Variants in SFI1 observed in about 807,000 individuals in gnomAD.
SFI1 encodes the protein protein SFI1 homolog.
Under a neutral mutation model 207.5 loss-of-function variants are expected in SFI1, and 195 were observed. That is an observed-to-expected ratio of 0.94 (90% confidence interval 0.84 to 1.06). SFI1 has a LOEUF of 1.06. SFI1 is among the 50% of genes least tolerant of loss of function. The pLI, the probability that SFI1 is intolerant of heterozygous loss-of-function variation, is 0.00. For synonymous variants in SFI1, 630 were observed against 598.9 expected (o/e 1.05, Z -0.76); for missense variants, 1,634 against 1,588.0 (o/e 1.03, Z -0.49).
chr22:31,506,008 C>A (rs1021535671), intron 1 of SFI1, among the ~76,000 whole-genome samples: 1 of 150,334 alleles, frequency 6.7e-6, no homozygotes, highest in Non-Finnish European at 1.5e-5. Context: ...GCTGCGATTG[C>A]ACTGCTGCAT....
chr22:31,554,791 T>C (rs1177013731), intron 6 of SFI1, among the ~76,000 whole-genome samples: 1 of 152,090 alleles, frequency 6.6e-6, no homozygotes, highest in African/African-American at 2.4e-5. Flanking sequence ...TTTGTATTTT[T>C]AGTAGAGACA....
chr22:31,607,419 A>G (rs2069226227), intron 21 of SFI1, among the ~76,000 whole-genome samples: 1 of 152,040 alleles, frequency 6.6e-6, no homozygotes, highest in South Asian at 2.1e-4. Flanking sequence ...CCTGGCCAAC[A>G]TGGTGAAACT....
chr22:31,604,432 T>A (rs889476294), intron 19 of SFI1, 28 bp downstream of exon 19: 3 of 1,477,128 alleles, frequency 2.0e-6, no homozygotes, highest in Non-Finnish European at 2.7e-6. Flanking sequence ...CCTCCTGATC[T>A]TGCTGTGGGG....
chr22:31,584,011 T>C, intron 13 of SFI1, 39 bp downstream of exon 13: 1 of 1,526,046 alleles, frequency 6.6e-7, no homozygotes, highest in Non-Finnish European at 9.1e-7. Flanking sequence ...TCAGGGACTT[T>C]GTGCCTCTGA....
intron 6 of SFI1, among the ~76,000 whole-genome samples, chr22:31,551,406 C>G (rs62237763): frequency 0.045 from 6,793 of 152,300 alleles, 135 homozygotes; most frequent in Non-Finnish European, 0.05. Context: ...GCCCAGTGAT[C>G]TTTCCCCTGT....
At chr22:31,556,016 T>G (rs2061124510) in intron 6 of SFI1, among the ~76,000 whole-genome samples, 1 of 152,160 alleles carries the variant, frequency 6.6e-6, no homozygotes. Flanking sequence ...ATTTACTTAT[T>G]AGTGGTGACT....
chr22:31,498,864 T>TC (rs1569141857), intron 1 of SFI1, among the ~76,000 whole-genome samples: 1 of 149,922 alleles, frequency 6.7e-6, no homozygotes, highest in Non-Finnish European at 1.5e-5. Context: ...TTTTTTCTTT[T>TC]TTTTTTTTTT....
At chr22:31,513,190 G>A (rs948862309) in intron 2 of SFI1, among the ~76,000 whole-genome samples, 3 of 151,682 alleles carry the variant, frequency 2.0e-5, no homozygotes, top group Admixed American at 6.6e-5. Flanking sequence ...ACAGGGTCTC[G>A]CTTTGTTGCC....
intron 31 of SFI1, 66 bp downstream of exon 31, chr22:31,617,144 G>A (rs1290709491): frequency 1.3e-6 from 2 of 1,569,542 alleles, no homozygotes; most frequent in Non-Finnish European, 1.7e-6. Flanking sequence ...GAGGTGGGCA[G>A]GCAGTTCCAT....
chr22:31,594,405 C>T (rs992433245), intron 15 of SFI1, among the ~76,000 whole-genome samples: 20 of 151,342 alleles, frequency 1.3e-4, no homozygotes, highest in Non-Finnish European at 2.7e-4. Flanking sequence ...AAAATTAGCC[C>T]GGTCTGGTGG....
chr22:31,545,375 A>AT (rs2059971564), intron 4 of SFI1, among the ~76,000 whole-genome samples: 1 of 151,790 alleles, frequency 6.6e-6, no homozygotes, highest in Non-Finnish European at 1.5e-5. Context: ...CAAAAAAAAA[A>AT]GAAAAAAAAA....
At position 31,602,134 on chromosome 22, in the gene SFI1, T is replaced by C; in HGVS notation, c.1545-78T>C. ...GCATGGTATAAAAGGAAAAATCCAA[T>C]TATTTGGAACTTCTAGTTCTGTTTG... On this transcript the variant is annotated intron_variant, in intron 15 of 32. Transcript: ENST00000400288. The C allele has an allele frequency of 2.4e-6, 3 of 1,236,118 alleles. No individual in the cohort carries two copies. The Admixed American group carries it at 5.1e-5, about 21-fold the overall frequency. The allele number at this position is 1,236,118 out of a possible 1,614,324, so 76.6% of individuals were successfully genotyped here.
chr22:31,599,058 C>T, intron 15 of SFI1, among the ~76,000 whole-genome samples: 1 of 151,708 alleles, frequency 6.6e-6, no homozygotes, highest in Admixed American at 6.6e-5. Flanking sequence ...TCCCAAAGTG[C>T]TGGGATTACA....
In SFI1 at chr22:31,560,918, TC is replaced by T. The variant is rs1360684979; in HGVS notation, c.663-371del. Among the ~76,000 whole-genome samples, 4 of 151,936 alleles carry T rather than the reference TC, an allele frequency of 2.6e-5. No homozygotes were observed. In the East Asian group the frequency reaches 7.8e-4, roughly 30 times the overall value. ...GGTTTCACTGTGTTGGCCAGGCTAG[TC>T]TTTTAACTCCTGACCTCAGGTAATC... On this transcript the variant is annotated intron_variant, in intron 7 of 32. Transcript: ENST00000400288.
chr22:31,605,110 T>G (rs1603329844), intron 20 of SFI1, 165 bp downstream of exon 20: 1 of 597,154 alleles, frequency 1.7e-6, no homozygotes. Context: ...CGGGTTCGCC[T>G]TCATGTCTTA....
At chr22:31,556,384 G>C (rs1476921279) in intron 6 of SFI1, among the ~76,000 whole-genome samples, 1 of 151,974 alleles carries the variant, frequency 6.6e-6, no homozygotes, top group African/African-American at 2.4e-5. Context: ...ACCACACCTG[G>C]CTAATTTTTG....
chr22:31,518,133 C>T (rs1490342515), intron 2 of SFI1, among the ~76,000 whole-genome samples: 1 of 152,096 alleles, frequency 6.6e-6, no homozygotes, highest in African/African-American at 2.4e-5. Flanking sequence ...ATTACAGGCA[C>T]CCACCACCAC....
At chr22:31,575,463 G>A (rs896463729) in intron 10 of SFI1, 71 bp downstream of exon 10, 34 of 1,411,526 alleles carry the variant, frequency 2.4e-5, no homozygotes, top group Middle Eastern at 2.6e-4. Context: ...CATGTGAAAC[G>A]AAAGTCATGA....
chr22:31,558,271 A>G (rs2061360181), intron 7 of SFI1, among the ~76,000 whole-genome samples: 1 of 152,194 alleles, frequency 6.6e-6, no homozygotes, highest in Non-Finnish European at 1.5e-5. Context: ...TCAAACCTGT[A>G]ATCCCAACAC....
Sources: gnomAD v4.1 joint callset for allele counts (sites outside exome capture counted in the v4.1 genomes callset) on GRCh38, gnomAD v4.1.1 for gene constraint, MANE v1.5 for transcripts, NCBI Gene and HGNC (gene_info 2026-07-23, HGNC 2026-07-21) for gene names.